The following SDK2 variants were observed in gnomAD, a reference collection of about 807,000 sequenced individuals.
SDK2 encodes the protein protein sidekick-2.
In SDK2, 105 loss-of-function variants were observed where a neutral mutation model predicts 253.9. The ratio of observed to expected loss-of-function variants is 0.41; its 90% CI spans 0.35 to 0.49. The LOEUF is 0.49. Ranked by LOEUF, SDK2 falls within the 20% of genes least tolerant of loss-of-function variation. The probability of loss-of-function intolerance (pLI) is 0.06; values close to 1 mark genes in which losing one functional copy is unlikely to be tolerated. For missense variants in SDK2, 2,608 were observed against 3,003.0 expected, an observed-to-expected ratio of 0.87 and a Z score of 3.07; for synonymous variants, 1,249 against 1,234.9, an observed-to-expected ratio of 1.01 and a Z score of -0.24.
In SDK2 at chr17:73,618,498, G is replaced by C. The variant is rs2046087852; in HGVS notation, c.64+25527C>G. 6.6e-6 allele frequency among the ~76,000 whole-genome samples: 1 copy of C among 152,196 alleles called. No homozygotes were observed. Among genetic ancestry groups the C allele is most frequent in the Non-Finnish European group, 1.5e-5 (1 of 68,040 alleles). Reference sequence around the variant, plus strand: ...AGAATCATGACCTCTTAATTAATCAGCAAGGAACTATAAAAAACCTACTGT... The same window carrying C: ...AGAATCATGACCTCTTAATTAATCACCAAGGAACTATAAAAAACCTACTGT... On this transcript the variant is annotated intron_variant, in intron 1 of 44. Coordinates refer to ENST00000392650, the MANE Select transcript of SDK2 (RefSeq NM_001144952.2). The surrounding 1 kb of genome is among the most constrained non-coding windows in gnomAD (Gnocchi z 4.1).
rs535177481 is a variant in SDK2, at chr17:73,526,859, C to A, written c.65-19262G>T. ...TCCTGAATAATCTTTGATGAGCATG[C>A]AATAAAGGACCCTCAATTCCTCAAC... On this transcript the variant is annotated intron_variant, in intron 1 of 44. Coordinates refer to ENST00000392650, the MANE Select transcript of SDK2 (RefSeq NM_001144952.2). Among the ~76,000 whole-genome samples the A allele has an allele frequency of 7.0e-4, 106 of 152,276 alleles. 1 individual carries two copies. The highest frequency in any genetic ancestry group is 2.4e-3 in the African/African-American group (100 of 41,544).
At chr17:73,399,426 C>T (rs1163469712) in intron 21 of SDK2, 137 bp from the exon 22 acceptor site, 1 of 871,112 alleles carries the variant, frequency 1.1e-6, no homozygotes, top group Admixed American at 2.5e-5. Flanking sequence ...GCCACGGCCC[C>T]ACTCCACCCA....
intron 18 of SDK2, among the ~76,000 whole-genome samples, chr17:73,404,938 G>A (rs1236708491): frequency 6.6e-6 from 1 of 151,914 alleles, no homozygotes; most frequent in Non-Finnish European, 1.5e-5. Context: ...TGGCACACTT[G>A]AACCTGAACC....
intron 1 of SDK2, among the ~76,000 whole-genome samples, chr17:73,599,927 C>T (rs930354219): frequency 3.9e-5 from 6 of 152,244 alleles, no homozygotes; most frequent in African/African-American, 1.4e-4. Context: ...CTCTGTCTCA[C>T]ACACCTACGG....
chr17:73,396,490 G>GC (rs139665247), intron 24 of SDK2, among the ~76,000 whole-genome samples: 5,013 of 152,106 alleles, frequency 0.033, 268 homozygotes, highest in African/African-American at 0.11. Flanking sequence ...CTCACCTTCG[G>GC]CCCCAACCTC....
intron 38 of SDK2, among the ~76,000 whole-genome samples, chr17:73,363,216 C>T (rs544997723): frequency 6.3e-4 from 96 of 152,276 alleles, no homozygotes; most frequent in African/African-American, 2.2e-3. Context: ...CCCGAGTAGG[C>T]GTCCACTACC....
At chr17:73,630,395 C>A (rs917361477) in intron 1 of SDK2, among the ~76,000 whole-genome samples, 9 of 152,270 alleles carry the variant, frequency 5.9e-5, no homozygotes, top group African/African-American at 1.7e-4. Flanking sequence ...AGGCAGGTGA[C>A]ACTTGGGCTC....
chr17:73,400,249 A>G (rs2063010878), intron 21 of SDK2, among the ~76,000 whole-genome samples: 1 of 152,206 alleles, frequency 6.6e-6, no homozygotes, highest in African/African-American at 2.4e-5. Context: ...GCTTGGCAGA[A>G]GCAGAGCTGA....
chr17:73,525,346 G>A (rs879733505), intron 1 of SDK2, among the ~76,000 whole-genome samples: 13 of 152,152 alleles, frequency 8.5e-5, no homozygotes, highest in Admixed American at 2.6e-4. Context: ...AGGGCAGGCC[G>A]GTAGCTAGGG....
At chr17:73,339,666 A>G (rs149515764) in intron 44 of SDK2, among the ~76,000 whole-genome samples, 2,044 of 151,046 alleles carry the variant, frequency 0.014, 25 homozygotes, top group South Asian at 0.064. Context: ...CTATCCTCCC[A>G]TGTCAGCCTT....
intron 1 of SDK2, among the ~76,000 whole-genome samples, chr17:73,597,117 C>A (rs994031390): frequency 6.6e-6 from 1 of 152,216 alleles, no homozygotes; most frequent in Admixed American, 6.5e-5. Flanking sequence ...TGTTCCCAAG[C>A]TCATCTGTCT....
At position 73,361,330 on chromosome 17, in the gene SDK2, T is replaced by A. The variant is rs541748661; in HGVS notation, c.5467+354A>T. Among the ~76,000 whole-genome samples the A allele has an allele frequency of 4.6e-4, 70 of 152,304 alleles. 1 individual carries two copies. In the South Asian group the frequency reaches 0.014, roughly 31 times the overall value. On this transcript the variant is annotated intron_variant, in intron 39 of 44. Coordinates refer to ENST00000392650, the MANE Select transcript of SDK2 (RefSeq NM_001144952.2). This position sits in a 1 kb window ranked among gnomAD's most constrained non-coding sequence, Gnocchi z 4.1. ...TGGCTGGGCGAAAGGCAGGGGCACCTGCCAGGCTGCATCCTTCCAGGACGG... is the reference window on the plus strand; with the variant it reads ...TGGCTGGGCGAAAGGCAGGGGCACCAGCCAGGCTGCATCCTTCCAGGACGG...
intron 42 of SDK2, 95 bp downstream of exon 42, chr17:73,350,555 G>A: frequency 6.9e-7 from 1 of 1,442,048 alleles, no homozygotes; most frequent in Non-Finnish European, 9.4e-7. Flanking sequence ...GCGCTGCCAG[G>A]AGCCAGGAGA....
rs549243881 is a variant in SDK2 at position 73,376,187 on chromosome 17, C to T, written c.4980+2990G>A. 3.4e-4 allele frequency among the ~76,000 whole-genome samples: 50 copies of T among 146,116 alleles called. 1 individual carries two copies. In the East Asian group the frequency reaches 6.2e-3, roughly 18 times the overall value. On this transcript the variant is annotated intron_variant, in intron 36 of 44. Transcript: ENST00000392650. ...TCAGCCTGGCGGCAGAGCAAGACTC[C>T]GTGTCAAAAAAAAAAAAAAAAATTC...
At chr17:73,415,195 C>G (rs888371214) in intron 17 of SDK2, among the ~76,000 whole-genome samples, 6 of 152,114 alleles carry the variant, frequency 3.9e-5, no homozygotes, top group Non-Finnish European at 8.8e-5. Context: ...GGTGGTGATT[C>G]CAGCCCCAGG....
chr17:73,380,967 C>CGGGAT lies in SDK2; in HGVS notation c.4706-18_4706-17insATCCC. On this transcript the variant is annotated splice_polypyrimidine_tract_variant and intron_variant, in intron 33 of 44. Transcript: ENST00000392650. ...AGTACATGGCTATGGGGTGGGGGTG[C>CGGGAT]CGGGGCGGGGGCGCAGAGGGAGACA... 2.0e-6 allele frequency: 2 copies of CGGGAT among 985,108 alleles called. No homozygotes were observed. Among genetic ancestry groups the CGGGAT allele is most frequent in the East Asian group, 2.9e-5 (1 of 34,268 alleles). 61.0% of individuals were successfully genotyped at this position (985,108 alleles called of 1,614,324 possible).
chr17:73,476,904 C>T (rs1279636512), intron 2 of SDK2, among the ~76,000 whole-genome samples: 1 of 152,198 alleles, frequency 6.6e-6, no homozygotes, highest in Non-Finnish European at 1.5e-5. Context: ...ATCCCTGCCC[C>T]AGCAGTGCGG....
chr17:73,375,137 T>C lies in SDK2; in HGVS notation c.4980+4040A>G, dbSNP rs528694540. Among the ~76,000 whole-genome samples, 13 of 152,234 alleles carry C rather than the reference T, an allele frequency of 8.5e-5. No homozygotes were observed. In the South Asian group the frequency reaches 2.5e-3, roughly 29 times the overall value. ...TCTACCCTGAGACCTTTGCTCTTTT[T>C]TCCTCTCTTTCTGGATCCATGTGAT... On this transcript the variant is annotated intron_variant, in intron 36 of 44. Transcript: ENST00000392650.
Position 73,352,716 on chromosome 17 carries a change from C to T in SDK2, c.5594-79G>A, listed in dbSNP as rs1042241580. 6.9e-7 allele frequency: 1 copy of T among 1,458,112 alleles called. No individual in the cohort carries two copies. The highest frequency in any genetic ancestry group is 1.2e-5 in the South Asian group (1 of 81,464). The allele number at this position is 1,458,112 out of a possible 1,614,324, so 90.3% of individuals were successfully genotyped here. ...CGCTCCCAGCCCCGTTCTGACTATG[C>T]TCCCTGAGGGCTGGGCCTGTTGGAT... On this transcript the variant is annotated intron_variant, in intron 40 of 44. Transcript: ENST00000392650. The surrounding 1 kb of genome is among the most constrained non-coding windows in gnomAD (Gnocchi z 4.1).
Sources: allele counts gnomAD v4.1 joint callset (sites outside exome capture counted in the v4.1 genomes callset), GRCh38; gene constraint gnomAD v4.1.1; non-coding constraint Gnocchi (gnomAD v3.1); transcripts MANE v1.5; gene names NCBI Gene and HGNC (gene_info 2026-07-23, HGNC 2026-07-21).